CALD1: variants seen among roughly 807,000 people sequenced by gnomAD.
CALD1 encodes caldesmon.
Under a neutral mutation model 99.9 loss-of-function variants are expected in CALD1, and 33 were observed. That is an observed-to-expected ratio of 0.33 (90% CI 0.25 to 0.44). The LOEUF is 0.44. Among genes scored for constraint, CALD1 ranks in the 20% least tolerant of loss-of-function variants. CALD1 has a pLI of 1.00. For synonymous variants in CALD1, 310 were observed against 325.0 expected, an observed-to-expected ratio of 0.95 and a Z score of 0.50; for missense variants, 861 against 962.1, an observed-to-expected ratio of 0.89 and a Z score of 1.39.
rs140230912 is a variant in CALD1 at position 134,938,529 on chromosome 7, T to C, written c.1387-2563T>C. Among the ~76,000 whole-genome samples, 684 of 152,296 alleles carry C rather than the reference T, an allele frequency of 4.5e-3. 4 individuals carry two copies. The highest frequency in any genetic ancestry group is 0.016 in the African/African-American group (649 of 41,558). Reference sequence around the variant, plus strand: ...CTTTTTCAGGATACCCGGCTATCTATTAATCCTTCAGCACGGACGTTCTCC... The same window carrying C: ...CTTTTTCAGGATACCCGGCTATCTACTAATCCTTCAGCACGGACGTTCTCC... On this transcript the variant is annotated intron_variant, in intron 6 of 14. Transcript: ENST00000361675.
At chr7:134,759,129 C>T (rs1796755534) in intron 1 of CALD1, among the ~76,000 whole-genome samples, 2 of 152,190 alleles carry the variant, frequency 1.3e-5, no homozygotes, top group Non-Finnish European at 2.9e-5. Flanking sequence ...TAAAGAGCTA[C>T]TCAGAACAAG....
At chr7:134,872,420 T>C (rs561044471) in intron 3 of CALD1, among the ~76,000 whole-genome samples, 4 of 152,030 alleles carry the variant, frequency 2.6e-5, no homozygotes, top group African/African-American at 9.7e-5. Flanking sequence ...TGTGCAACTT[T>C]TATGCCATTA....
At chr7:134,764,084 G>C (rs921198182) in intron 1 of CALD1, among the ~76,000 whole-genome samples, 1 of 152,056 alleles carries the variant, frequency 6.6e-6, no homozygotes, top group Non-Finnish European at 1.5e-5. Context: ...TCCATACAAG[G>C]GTAGTTCTGT....
intron 2 of CALD1, among the ~76,000 whole-genome samples, chr7:134,846,259 T>C (rs1245762404): frequency 1.3e-5 from 2 of 152,116 alleles, no homozygotes; most frequent in Non-Finnish European, 2.9e-5. Flanking sequence ...AGGCCCCAGA[T>C]AGGGGTGGAG....
intron 3 of CALD1, among the ~76,000 whole-genome samples, chr7:134,913,928 C>T (rs1804013096): frequency 6.6e-6 from 1 of 152,202 alleles, no homozygotes; most frequent in African/African-American, 2.4e-5. Context: ...CCTAAGAAAG[C>T]TTCCTATTGT....
intron 1 of CALD1, among the ~76,000 whole-genome samples, chr7:134,756,692 C>T (rs982873237): frequency 1.3e-5 from 2 of 152,054 alleles, no homozygotes; most frequent in Non-Finnish European, 2.9e-5. Flanking sequence ...GTGAAGCAGC[C>T]AACTTGATTT....
At position 134,874,231 on chromosome 7, in the gene CALD1, C is replaced by T. The variant is rs181064656; in HGVS notation, c.71+6427C>T. Among the ~76,000 whole-genome samples, 374 of 150,972 alleles carry T rather than the reference C, an allele frequency of 2.5e-3. 1 individual carries two copies. Among genetic ancestry groups the T allele is most frequent in the Non-Finnish European group, 3.1e-3 (209 of 67,836 alleles). On this transcript the variant is annotated intron_variant, in intron 3 of 14. Coordinates refer to ENST00000361675, the MANE Select transcript of CALD1 (RefSeq NM_033138.4). ...TTTTTGAGAAGGAGTCTCACTTTGT[C>T]GGCCAGGCTGGAGTGCAGTGGTACC...
At chr7:134,966,185 C>T (rs1474103565) in intron 14 of CALD1, among the ~76,000 whole-genome samples, 1 of 152,148 alleles carries the variant, frequency 6.6e-6, no homozygotes, top group Non-Finnish European at 1.5e-5. Flanking sequence ...AGAAGCACTT[C>T]GTAAGCAAAC....
chr7:134,712,869 C>T, the CALD1 span, among the ~76,000 whole-genome samples: 7,389 of 152,182 alleles, frequency 0.049, 549 homozygotes, highest in African/African-American at 0.16. Flanking sequence ...AGAAGAAAGT[C>T]GTTAAAATCC....
At chr7:134,802,543 AT>A (rs1419281247) in intron 1 of CALD1, among the ~76,000 whole-genome samples, 1 of 152,190 alleles carries the variant, frequency 6.6e-6, no homozygotes, top group Admixed American at 6.5e-5. Context: ...TCAACTTATG[AT>A]GGGGTTATAT....
intron 3 of CALD1, among the ~76,000 whole-genome samples, chr7:134,897,567 A>G (rs1802667783): frequency 6.6e-6 from 1 of 152,156 alleles, no homozygotes; most frequent in African/African-American, 2.4e-5. Flanking sequence ...ACCACTGAAC[A>G]TATCACATGA....
intron 1 of CALD1, among the ~76,000 whole-genome samples, chr7:134,831,870 G>A (rs922449421): frequency 6.6e-6 from 1 of 152,142 alleles, no homozygotes; most frequent in African/African-American, 2.4e-5. Flanking sequence ...AGAGATAGAG[G>A]CAAGTTTCAG....
intron 9 of CALD1, among the ~76,000 whole-genome samples, chr7:134,950,845 G>C (rs1053557164): frequency 2.0e-4 from 30 of 152,286 alleles, no homozygotes; most frequent in African/African-American, 7.0e-4. Context: ...AATAATCTCA[G>C]CTACTTGGGA....
intron 1 of CALD1, among the ~76,000 whole-genome samples, chr7:134,791,681 C>A (rs1027489799): frequency 1.8e-4 from 27 of 149,112 alleles, no homozygotes; most frequent in Admixed American, 1.2e-3. Context: ...AAACAAAAAA[C>A]AAAAAAACCT....
At chr7:134,930,081 G>C (rs1416645963) in intron 4 of CALD1, among the ~76,000 whole-genome samples, 1 of 151,994 alleles carries the variant, frequency 6.6e-6, no homozygotes, top group East Asian at 1.9e-4. Context: ...AATAGTCTCT[G>C]ATCATTATAA....
intron 13 of CALD1, chr7:134,965,088 C>G: frequency 2.4e-6 from 1 of 418,850 alleles, no homozygotes. Flanking sequence ...TACACTCCAG[C>G]TTGGGCTACA....
At chr7:134,782,752 T>C (rs1585919301) in intron 1 of CALD1, among the ~76,000 whole-genome samples, 1 of 152,230 alleles carries the variant, frequency 6.6e-6, no homozygotes, top group East Asian at 1.9e-4. Context: ...CTCTGGACAT[T>C]ATGCTCATCT....
chr7:134,880,339 T>C (rs956009304), intron 3 of CALD1, among the ~76,000 whole-genome samples: 1 of 152,188 alleles, frequency 6.6e-6, no homozygotes, highest in African/African-American at 2.4e-5. Flanking sequence ...ACCCATTTTT[T>C]ATTCCCACAG....
At chr7:134,781,915 T>G (rs1197081234) in intron 1 of CALD1, among the ~76,000 whole-genome samples, 1 of 152,230 alleles carries the variant, frequency 6.6e-6, no homozygotes, top group African/African-American at 2.4e-5. Context: ...GGCAACTGCC[T>G]TATTATGAGA....
Sources: gnomAD v4.1 joint callset for allele counts (sites outside exome capture counted in the v4.1 genomes callset) on GRCh38, gnomAD v4.1.1 for gene constraint, MANE v1.5 for transcripts, NCBI Gene and HGNC (gene_info 2026-07-23, HGNC 2026-07-21) for gene names.